ZC3H12B: variants seen among roughly 807,000 people sequenced by gnomAD.
ZC3H12B encodes zinc finger CCCH-type containing 12B.
In ZC3H12B, 7 loss-of-function variants were observed where a neutral mutation model predicts 43.9. The ratio of observed to expected loss-of-function variants is 0.16; its 90% confidence interval spans 0.09 to 0.30. ZC3H12B has a LOEUF of 0.30. ZC3H12B is among the 10% of genes least tolerant of loss of function. The pLI is 1.00. For missense variants in ZC3H12B, 475 were observed against 670.2 expected (o/e 0.71, Z 3.22); for synonymous variants, 222 against 241.7 (o/e 0.92, Z 0.76).
chrX:65,049,699 T>G, the ZC3H12B span, among the ~76,000 whole-genome samples: 1 of 111,576 alleles, frequency 9.0e-6, no homozygotes, highest in African/African-American at 3.2e-5. Flanking sequence ...TTTCTATTTT[T>G]GTAAAAAATG....
chrX:65,128,500 T>G, the ZC3H12B span, among the ~76,000 whole-genome samples: 1 of 111,885 alleles, frequency 8.9e-6, no homozygotes, highest in African/African-American at 3.2e-5. Flanking sequence ...TTGACATGTT[T>G]TGTTGGTGCA....
chrX:65,275,357 G>T, the ZC3H12B span, among the ~76,000 whole-genome samples: 1 of 112,877 alleles, frequency 8.9e-6, no homozygotes, highest in Non-Finnish European at 1.9e-5. Flanking sequence ...CCTGCAGGCT[G>T]CTCCTGGCAG....
chrX:65,212,796 G>A, the ZC3H12B span, among the ~76,000 whole-genome samples: 2 of 101,437 alleles, frequency 2.0e-5, no homozygotes, highest in South Asian at 4.1e-4. Flanking sequence ...AGCTCTATGA[G>A]AACATCGACT....
chrX:65,054,770 T>A, the ZC3H12B span, among the ~76,000 whole-genome samples: 1 of 111,479 alleles, frequency 9.0e-6, no homozygotes, highest in African/African-American at 3.3e-5. Flanking sequence ...CATTGAGCAG[T>A]GGTTAGTAGT....
intron 3 of ZC3H12B, among the ~76,000 whole-genome samples, chrX:65,474,525 G>A (rs1420723849): frequency 8.9e-6 from 1 of 111,976 alleles, no homozygotes; most frequent in Non-Finnish European, 1.9e-5. Context: ...TTACTGATAA[G>A]TGAGTACTTA....
upstream of ZC3H12B, among the ~76,000 whole-genome samples, chrX:65,484,722 G>T (rs766842893): frequency 8.0e-5 from 9 of 112,116 alleles, no homozygotes; most frequent in Non-Finnish European, 1.5e-4. Flanking sequence ...TGTGGTTAAT[G>T]GGCTTTCTTG....
the ZC3H12B span, among the ~76,000 whole-genome samples, chrX:65,178,385 A>AT: frequency 4.5e-5 from 5 of 112,251 alleles, no homozygotes; most frequent in African/African-American, 1.6e-4. Context: ...ACCAAAAGCA[A>AT]TGACAACAAA....
At chrX:65,106,709 G>A in the ZC3H12B span, among the ~76,000 whole-genome samples, 1 of 110,950 alleles carries the variant, frequency 9.0e-6, no homozygotes, top group Non-Finnish European at 1.9e-5. Flanking sequence ...AAAACACATG[G>A]GAAGGACCAA....
At chrX:65,261,218 T>C in the ZC3H12B span, among the ~76,000 whole-genome samples, 1 of 111,705 alleles carries the variant, frequency 9.0e-6, no homozygotes, top group South Asian at 3.7e-4. Flanking sequence ...AGAGCTTTCA[T>C]TATAAAAGAG....
chrX:65,400,202 G>T (rs968767034), intron 3 of ZC3H12B, among the ~76,000 whole-genome samples: 1 of 111,810 alleles, frequency 8.9e-6, no homozygotes, highest in Admixed American at 9.5e-5. Context: ...ATCAATCGAT[G>T]TTATCAATGT....
At chrX:65,114,916 ATTTTTTTTTTT>A in the ZC3H12B span, among the ~76,000 whole-genome samples, 2 of 19,324 alleles carry the variant, frequency 1.0e-4, no homozygotes, top group East Asian at 2.6e-3. Context: ...GTGTCTCAGG[ATTTTTTTTTTT>A]TTTTTTTTTT....
intron 3 of ZC3H12B, among the ~76,000 whole-genome samples, chrX:65,452,841 A>AACACACAC (rs111853414): frequency 1.0e-3 from 95 of 92,249 alleles, no homozygotes; most frequent in African/African-American, 3.6e-3. Flanking sequence ...ACTCCATCTA[A>AACACACAC]ACACACACAC....
chrX:65,144,097 C>G, the ZC3H12B span, among the ~76,000 whole-genome samples: 1 of 111,425 alleles, frequency 9.0e-6, no homozygotes, highest in African/African-American at 3.3e-5. Flanking sequence ...CTTTGAATGT[C>G]TGGTAGAATT....
the ZC3H12B span, among the ~76,000 whole-genome samples, chrX:65,157,811 G>T: frequency 1.1e-4 from 12 of 106,572 alleles, no homozygotes; most frequent in African/African-American, 4.1e-4. Context: ...TAGGGGACAT[G>T]TGCACAATAT....
intron 3 of ZC3H12B, among the ~76,000 whole-genome samples, chrX:65,456,935 G>A (rs2067626255): frequency 1.9e-5 from 2 of 105,305 alleles, no homozygotes; most frequent in African/African-American, 7.0e-5. Flanking sequence ...CCTCTGCCTG[G>A]CTGCCCAGTC....
chrX:65,270,274 CA>C, the ZC3H12B span, among the ~76,000 whole-genome samples: 1 of 111,543 alleles, frequency 9.0e-6, no homozygotes, highest in Non-Finnish European at 1.9e-5. Context: ...CAAGAGGACA[CA>C]ATGAGGAAAG....
chrX:65,047,466 G>A, the ZC3H12B span, among the ~76,000 whole-genome samples: 3 of 110,910 alleles, frequency 2.7e-5, no homozygotes, highest in South Asian at 3.8e-4. Flanking sequence ...TTTCTCACAT[G>A]TATAGTTTCT....
At chrX:65,403,116 A>T (rs2066782635) in intron 3 of ZC3H12B, among the ~76,000 whole-genome samples, 2 of 112,179 alleles carry the variant, frequency 1.8e-5, no homozygotes, top group Admixed American at 1.9e-4. Context: ...TATCAGATTA[A>T]TTTTTCAGAG....
chrX:65,220,403 A>G, the ZC3H12B span, among the ~76,000 whole-genome samples: 1 of 112,071 alleles, frequency 8.9e-6, no homozygotes, highest in African/African-American at 3.2e-5. Context: ...CTTAAAAGAT[A>G]CAGAATGGCC....
Sources: allele counts gnomAD v4.1 joint callset (sites outside exome capture counted in the v4.1 genomes callset), GRCh38; gene constraint gnomAD v4.1.1; transcripts MANE v1.5; gene names NCBI Gene and HGNC (gene_info 2026-07-23, HGNC 2026-07-21).